The following SLC39A11 variants were observed in gnomAD, a reference collection of about 807,000 sequenced individuals.
SLC39A11 encodes solute carrier family 39 member 11, also known as zinc transporter ZIP11.
A neutral mutation model predicts 36.1 loss-of-function variants in SLC39A11; 33 were observed. The ratio of observed to expected loss-of-function variants is 0.91; its 90% CI spans 0.69 to 1.22. The LOEUF is 1.22. Among genes scored for constraint, SLC39A11 ranks in the 50% most tolerant of loss-of-function variants. The pLI, the probability that SLC39A11 is intolerant of heterozygous loss-of-function variation, is 0.00. For synonymous variants in SLC39A11, 166 were observed against 170.3 expected, an observed-to-expected ratio of 0.97 and a Z score of 0.20; for missense variants, 432 against 430.3, an observed-to-expected ratio of 1.00 and a Z score of -0.03.
chr17:72,879,058 G>A (rs185200147), intron 5 of SLC39A11, among the ~76,000 whole-genome samples: 23 of 152,368 alleles, frequency 1.5e-4, no homozygotes, highest in African/African-American at 5.0e-4. Context: ...CAGCCAAATG[G>A]AAGCAATGCA....
chr17:72,649,059 C>A, intron 8 of SLC39A11, 98 bp from the exon 9 acceptor site: 5 of 1,543,726 alleles, frequency 3.2e-6, no homozygotes, highest in Non-Finnish European at 4.4e-6. Context: ...TGGATGCATG[C>A]CATTCTACGT....
At chr17:72,882,509 A>G (rs2081245888) in intron 5 of SLC39A11, among the ~76,000 whole-genome samples, 1 of 152,202 alleles carries the variant, frequency 6.6e-6, no homozygotes. Flanking sequence ...ACTATCACAG[A>G]ACATTGTTAA....
intron 5 of SLC39A11, among the ~76,000 whole-genome samples, chr17:72,923,073 T>C (rs17780885): frequency 0.16 from 24,763 of 151,444 alleles, 2,299 homozygotes; most frequent in South Asian, 0.23. Flanking sequence ...TTTTATCTTA[T>C]CAGTCAGCTC....
chr17:72,791,058 G>T (rs2076684780), intron 6 of SLC39A11, among the ~76,000 whole-genome samples: 1 of 152,316 alleles, frequency 6.6e-6, no homozygotes, highest in South Asian at 2.1e-4. Flanking sequence ...ATTGCCTAGA[G>T]ACTTAGAAAT....
chr17:72,884,352 C>T (rs1233411182), intron 5 of SLC39A11, among the ~76,000 whole-genome samples: 1 of 152,232 alleles, frequency 6.6e-6, no homozygotes, highest in Non-Finnish European at 1.5e-5. Flanking sequence ...ACAATGAATC[C>T]TCAGAGCGTT....
chr17:72,869,685 A>C (rs1289465798), intron 5 of SLC39A11, among the ~76,000 whole-genome samples: 3 of 152,222 alleles, frequency 2.0e-5, no homozygotes, highest in Non-Finnish European at 4.4e-5. Flanking sequence ...CACCACGCCC[A>C]GTGAATTTTT....
chr17:72,687,368 C>A (rs894710568), intron 7 of SLC39A11, among the ~76,000 whole-genome samples: 1 of 152,264 alleles, frequency 6.6e-6, no homozygotes. Context: ...CTCAGCCTCA[C>A]GAGTAGCTGG....
chr17:72,869,204 A>G (rs932683383), intron 5 of SLC39A11, among the ~76,000 whole-genome samples: 2 of 152,206 alleles, frequency 1.3e-5, no homozygotes, highest in African/African-American at 4.8e-5. Context: ...AGTGAAAGTA[A>G]CAAGAAGCCC....
intron 3 of SLC39A11, among the ~76,000 whole-genome samples, chr17:73,047,990 A>AAAAAATATAT (rs1555693446): frequency 1.7e-5 from 1 of 58,676 alleles, no homozygotes; most frequent in African/African-American, 6.6e-5. Flanking sequence ...AAAAAAAAAA[A>AAAAAATATAT]ATATATATAT....
chr17:72,884,248 C>G (rs1454844715), intron 5 of SLC39A11, among the ~76,000 whole-genome samples: 1 of 152,236 alleles, frequency 6.6e-6, no homozygotes, highest in South Asian at 2.1e-4. Context: ...ACAAAAGCAG[C>G]GTTGTCACTG....
At chr17:72,652,834 T>G (rs2069913726) in intron 7 of SLC39A11, among the ~76,000 whole-genome samples, 1 of 152,230 alleles carries the variant, frequency 6.6e-6, no homozygotes, top group African/African-American at 2.4e-5. Flanking sequence ...AGAACCACTG[T>G]GCAACCTGAA....
intron 4 of SLC39A11, among the ~76,000 whole-genome samples, chr17:72,948,610 A>T (rs890995828): frequency 1.3e-5 from 2 of 152,236 alleles, no homozygotes; most frequent in African/African-American, 4.8e-5. Context: ...AAGCAGTGCG[A>T]GTTGCAGAGA....
chr17:72,916,389 G>A (rs1048616117), intron 5 of SLC39A11, among the ~76,000 whole-genome samples: 2 of 149,270 alleles, frequency 1.3e-5, no homozygotes, highest in East Asian at 3.8e-4. Context: ...CCTCCAATGA[G>A]CACAGCTGGG....
chr17:72,746,376 T>C (rs1598548410), intron 6 of SLC39A11, among the ~76,000 whole-genome samples: 1 of 152,002 alleles, frequency 6.6e-6, no homozygotes, highest in East Asian at 1.9e-4. Flanking sequence ...CCCAGCAATT[T>C]GGGAGGCTGA....
chr17:72,672,754 A>G (rs944676013), intron 7 of SLC39A11, among the ~76,000 whole-genome samples: 5 of 152,092 alleles, frequency 3.3e-5, no homozygotes, highest in African/African-American at 1.2e-4. Context: ...ATATGCCACC[A>G]TGCTCAGCTA....
intron 5 of SLC39A11, among the ~76,000 whole-genome samples, chr17:72,850,912 G>A (rs550618065): frequency 3.9e-5 from 6 of 152,204 alleles, no homozygotes; most frequent in African/African-American, 1.4e-4. Flanking sequence ...CAATTCAGAC[G>A]CCTGGCTCAG....
At chr17:72,784,580 G>T (rs772046146) in intron 6 of SLC39A11, among the ~76,000 whole-genome samples, 1 of 152,118 alleles carries the variant, frequency 6.6e-6, no homozygotes, top group Non-Finnish European at 1.5e-5. Context: ...TGGAGGTGGG[G>T]CCTGGCGGGA....
chr17:72,895,132 T>C (rs909556638), intron 5 of SLC39A11, among the ~76,000 whole-genome samples: 3 of 152,148 alleles, frequency 2.0e-5, no homozygotes, highest in African/African-American at 4.8e-5. Flanking sequence ...GCTAGTCGCA[T>C]TGGTAGGGAT....
At chr17:72,996,231 C>T (rs1193315323) in intron 4 of SLC39A11, among the ~76,000 whole-genome samples, 2 of 152,220 alleles carry the variant, frequency 1.3e-5, no homozygotes, top group Admixed American at 6.5e-5. Flanking sequence ...GTCTCGGCCC[C>T]GTCTCTTACC....
Sources: gnomAD v4.1 joint callset for allele counts (sites outside exome capture counted in the v4.1 genomes callset) on GRCh38, gnomAD v4.1.1 for gene constraint, MANE v1.5 for transcripts, NCBI Gene and HGNC (gene_info 2026-07-23, HGNC 2026-07-21) for gene names.